Variants in DMAC2L observed in about 807,000 individuals in gnomAD.
DMAC2L encodes distal membrane arm assembly component 2 like.
A neutral mutation model predicts 22.5 loss-of-function variants in DMAC2L; 21 were observed. The ratio of observed to expected loss-of-function variants is 0.93; its 90% CI spans 0.66 to 1.34. The LOEUF is 1.34. DMAC2L is among the 40% of genes most tolerant of loss of function. The pLI, the probability that DMAC2L is intolerant of heterozygous loss-of-function variation, is 0.00. For synonymous variants in DMAC2L, 86 were observed against 89.5 expected (o/e 0.96, Z 0.22); for missense variants, 239 against 246.5 (o/e 0.97, Z 0.20).
chr14:50,324,778 T>A (rs998005996), intron 5 of DMAC2L: 2 of 152,188 alleles, frequency 1.3e-5, no homozygotes, highest in Admixed American at 6.5e-5. Context: ...AGTTTTTTTG[T>A]TTGTTTGTTT....
upstream of DMAC2L, chr14:50,312,241 C>T (rs553689392): frequency 2.7e-5 from 41 of 1,527,886 alleles, no homozygotes; most frequent in African/African-American, 4.1e-5. Context: ...CCGCCCCTCA[C>T]GCGGGGGCCA....
chr14:50,325,618 A>G lies in DMAC2L; in HGVS notation c.498A>G (p.Lys166=). ...IIALRHLRNL[K]YLLLSDLPGV... Reference sequence around the variant, plus strand: ...TTTTCTTTATTTGCAGAAACCTCAAATATTTGTTGTTAAGTGATCTTCCTG... The same window carrying G: ...TTTTCTTTATTTGCAGAAACCTCAAGTATTTGTTGTTAAGTGATCTTCCTG... Residue 166 remains lysine, a synonymous_variant, in exon 6 of 6, where the codon AAA becomes AAG. Coordinates refer to ENST00000557421, the MANE Select transcript of DMAC2L (RefSeq NM_001382507.1). 6.2e-7 allele frequency: 1 copy of G among 1,607,670 alleles called. No homozygotes were observed. Among genetic ancestry groups the G allele is most frequent in the Non-Finnish European group, 8.5e-7 (1 of 1,177,062 alleles).
At chr14:50,325,531 T>G in intron 5 of DMAC2L, 78 bp from the exon 6 acceptor site, 1 of 1,455,716 alleles carries the variant, frequency 6.9e-7, no homozygotes, top group Admixed American at 2.1e-5. Context: ...TACATAATTT[T>G]CTTTCTTTAA....
chr14:50,312,563 G>A (rs1479071753), intron 1 of DMAC2L, 174 bp downstream of exon 1: 2 of 292,224 alleles, frequency 6.8e-6, no homozygotes, highest in African/African-American at 2.3e-5. Flanking sequence ...GCGGGATTAC[G>A]GTGAAAATTC....
chr14:50,312,340 C>T lies in DMAC2L; in HGVS notation c.-91C>T, dbSNP rs1271436334. The stretch of plus-strand genomic sequence containing the variant: ...GAGGGCGAAGGGCCGGCCAGGGTGC[C>T]GCAGACGCGGGGACGCTGGCTCGCT... On this transcript the variant is annotated 5_prime_UTR_variant, in exon 1 of 6. Transcript: ENST00000557421. 1.7e-5 allele frequency: 13 copies of T among 762,200 alleles called. No individual in the cohort carries two copies. Among genetic ancestry groups the T allele is most frequent in the Non-Finnish European group, 2.3e-5 (11 of 479,806 alleles). The allele number at this position is 762,200 out of a possible 1,614,324, so 47.2% of individuals were successfully genotyped here.
Position 50,314,592 on chromosome 14 carries a change from A to G in DMAC2L, c.-40A>G, listed in dbSNP as rs901467338. The G allele has an allele frequency of 2.2e-6, 1 of 455,598 alleles. No individual in the cohort carries two copies. The highest frequency in any genetic ancestry group is 2.3e-5 in the Admixed American group (1 of 42,570). The allele number at this position is 455,598 out of a possible 1,614,324, so 28.2% of individuals were successfully genotyped here. A position where few individuals can be genotyped will look rare whatever the true frequency, so the allele number is the denominator to read the frequency against. On this transcript the variant is annotated splice_region_variant and 5_prime_UTR_variant, in exon 2 of 6. Coordinates refer to ENST00000557421, the MANE Select transcript of DMAC2L (RefSeq NM_001382507.1). Reference sequence around the variant, plus strand: ...GTGAACCTGTTTTTGTTTCTCTAGGATAAGTGCCCAAGAGTACAATTGCTG... The same window carrying G: ...GTGAACCTGTTTTTGTTTCTCTAGGGTAAGTGCCCAAGAGTACAATTGCTG...
chr14:50,321,393 A>C lies in DMAC2L; in HGVS notation c.-5-90A>C. 3 of 1,485,658 alleles carry C rather than the reference A, an allele frequency of 2.0e-6. No individual in the cohort carries two copies. In the South Asian group the frequency reaches 4.2e-5, roughly 21 times the overall value. The allele number at this position is 1,485,658 out of a possible 1,614,324, so 92.0% of individuals were successfully genotyped here. A position where few individuals can be genotyped will look rare whatever the true frequency, so the allele number is the denominator to read the frequency against. On this transcript the variant is annotated intron_variant, in intron 2 of 5. Coordinates refer to ENST00000557421, the MANE Select transcript of DMAC2L (RefSeq NM_001382507.1). ...GAGTGGCAAGTGAGTCATCAGCTTT[A>C]TCAGTACAAGAGCATTGACTCTGAA...
upstream of DMAC2L, chr14:50,312,217 C>G (rs1566548244): frequency 6.3e-7 from 1 of 1,584,652 alleles, no homozygotes; most frequent in South Asian, 1.1e-5. Context: ...GCCGAGGACC[C>G]GCGCTCTTTA....
At chr14:50,313,105 C>T (rs777311761) in intron 1 of DMAC2L, 6 of 1,456,028 alleles carry the variant, frequency 4.1e-6, no homozygotes, top group Non-Finnish European at 5.8e-6. Context: ...GGGCGATGGG[C>T]TGTGTAATCT....
At chr14:50,320,060 A>G (rs533503899) in intron 2 of DMAC2L, among the ~76,000 whole-genome samples, 4 of 152,252 alleles carry the variant, frequency 2.6e-5, no homozygotes, top group South Asian at 2.1e-4. Context: ...TTGAAGCACA[A>G]CCGTAACAAT....
At chr14:50,318,336 A>G (rs768353977) in intron 2 of DMAC2L, among the ~76,000 whole-genome samples, 3 of 152,202 alleles carry the variant, frequency 2.0e-5, no homozygotes, top group Non-Finnish European at 2.9e-5. Context: ...TGTTACCTCT[A>G]TTGCCAAATA....
At chr14:50,316,255 G>GT (rs1566553872) in intron 2 of DMAC2L, among the ~76,000 whole-genome samples, 1 of 151,844 alleles carries the variant, frequency 6.6e-6, no homozygotes, top group African/African-American at 2.4e-5. Context: ...TGATGGGATT[G>GT]TTTTTTTCTG....
chr14:50,325,648 AAG>A lies in DMAC2L; in HGVS notation c.532_533del (p.Glu178LysfsTer9). 1 of 1,612,806 alleles carries A rather than the reference AAG, an allele frequency of 6.2e-7. No individual in the cohort carries two copies. The highest frequency in any genetic ancestry group is 8.5e-7 in the Non-Finnish European group (1 of 1,179,364). ...TGTTGTTAAGTGATCTTCCTGGAGT[AAG>A]AGAAAAAGAAAATCTTGTCCAAGCC... is the stretch of plus-strand genomic sequence containing the variant. ...YLLLSDLPGV[R>X]EKENLVQAFK... is the part of the protein sequence containing the mutation. On this transcript the variant is annotated frameshift_variant, in exon 6 of 6. Coordinates refer to ENST00000557421, the MANE Select transcript of DMAC2L (RefSeq NM_001382507.1). LOFTEE classifies it high-confidence loss of function.
rs10137270 is a variant in DMAC2L, at chr14:50,324,344, A to G, written c.488+228A>G. On this transcript the variant is annotated intron_variant, in intron 5 of 5. Transcript: ENST00000557421. ...GTATATTTTAAAAAATTAAATCTAC[A>G]TTAAGCACCTAGCATGGTGCCTGCC... The G allele has an allele frequency of 3.8e-3, 1,151 of 304,800 alleles. 20 individuals carry two copies. Among genetic ancestry groups the G allele is most frequent in the African/African-American group, 0.024 (1,095 of 45,814 alleles). 18.9% of individuals were successfully genotyped at this position (304,800 alleles called of 1,614,324 possible).
Position 50,322,555 on chromosome 14 carries a change from C to A in DMAC2L, c.152C>A (p.Ala51Glu), listed in dbSNP as rs1420580440. Reference sequence around the variant, plus strand: ...AGGGATGTTGGCCCTGACAGGGCGGCATCCGAGTGGTTGCTGCGCTGTGGG... The same window carrying A: ...AGGGATGTTGGCCCTGACAGGGCGGAATCCGAGTGGTTGCTGCGCTGTGGG... ...RIRDVGPDRA[A>E]SEWLLRCGAM... Residue 51 changes from alanine to glutamate, a missense_variant, in exon 4 of 6, where the codon GCA (alanine) becomes GAA (glutamate). Coordinates refer to ENST00000557421, the MANE Select transcript of DMAC2L (RefSeq NM_001382507.1). 3.1e-6 allele frequency: 5 copies of A among 1,613,850 alleles called. No homozygotes were observed. The Admixed American group carries it at 8.3e-5, about 27-fold the overall frequency.
At chr14:50,317,778 A>G (rs555121984) in intron 2 of DMAC2L, among the ~76,000 whole-genome samples, 1 of 152,196 alleles carries the variant, frequency 6.6e-6, no homozygotes, top group South Asian at 2.1e-4. Flanking sequence ...CTCCAAAAAA[A>G]AAAAAGGGGG....
intron 1 of DMAC2L, chr14:50,312,846 TA>T: frequency 1.5e-6 from 1 of 664,640 alleles, no homozygotes; most frequent in Non-Finnish European, 2.6e-6. Flanking sequence ...GGACTTCTTT[TA>T]TGGGGCTCCT....
chr14:50,325,471 A>G, intron 5 of DMAC2L, 138 bp from the exon 6 acceptor site: 1 of 957,982 alleles, frequency 1.0e-6, no homozygotes, highest in East Asian at 3.1e-5. Flanking sequence ...CTCTAAGGCT[A>G]CTGCTCTAAA....
intron 2 of DMAC2L, chr14:50,319,286 A>G (rs12433794): frequency 0.58 from 898,133 of 1,535,622 alleles, 263,923 homozygotes; most frequent in East Asian, 0.78. Context: ...GGCTGTAGTG[A>G]AAAAGGGATG....
Sources: gnomAD v4.1 joint callset for allele counts (sites outside exome capture counted in the v4.1 genomes callset) on GRCh38, gnomAD v4.1.1 for gene constraint, MANE v1.5 for transcripts, NCBI Gene and HGNC (gene_info 2026-07-23, HGNC 2026-07-21) for gene names.